Variants in NBAS observed in about 807,000 individuals in gnomAD.
The protein encoded by NBAS is NBAS subunit of NRZ tethering complex.
Under a neutral mutation model 302.5 loss-of-function variants are expected in NBAS, and 219 were observed. That is an observed-to-expected ratio of 0.72 (90% CI 0.65 to 0.81). The LOEUF is 0.81. Among genes scored for constraint, NBAS ranks in the 30% least tolerant of loss-of-function variants. The pLI, the probability that NBAS is intolerant of heterozygous loss-of-function variation, is 0.00. For synonymous variants in NBAS, 1,118 were observed against 1,021.6 expected (o/e 1.09, Z -1.80); for missense variants, 2,932 against 2,841.6 (o/e 1.03, Z -0.72).
At chr2:14,816,218 G>A in the NBAS span, among the ~76,000 whole-genome samples, 61,447 of 152,088 alleles carry the variant, frequency 0.4, 13,032 homozygotes, top group African/African-American at 0.53. Flanking sequence ...GTCAGGAACC[G>A]GACCACAGAG....
chr2:15,230,357 G>C (rs543368737), intron 47 of NBAS, among the ~76,000 whole-genome samples: 2 of 121,312 alleles, frequency 1.6e-5, no homozygotes, highest in South Asian at 5.7e-4. Flanking sequence ...CAAAATAAAA[G>C]TTATGGCTTT....
Position 15,383,015 on chromosome 2 carries a change from T to C in NBAS, c.3360+200A>G, listed in dbSNP as rs73914889. 9.7e-3 allele frequency among the ~76,000 whole-genome samples: 1,477 copies of C among 152,138 alleles called. 30 individuals carry two copies. The highest frequency in any genetic ancestry group is 0.034 in the African/African-American group (1,399 of 41,508). On this transcript the variant is annotated intron_variant, in intron 29 of 51. Transcript: ENST00000281513. ...GCTGATGATTAACCTACTAAACAGA[T>C]AGTGTTGCAATGAAAAAAGACAAGG...
At chr2:14,831,780 GA>G in the NBAS span, among the ~76,000 whole-genome samples, 152 of 152,274 alleles carry the variant, frequency 1.0e-3, no homozygotes, top group African/African-American at 3.4e-3. Flanking sequence ...TGGGTAACAT[GA>G]AGATAATACC....
the NBAS span, among the ~76,000 whole-genome samples, chr2:15,038,323 G>C: frequency 6.6e-6 from 1 of 152,014 alleles, no homozygotes; most frequent in African/African-American, 2.4e-5. Flanking sequence ...CATTTGGCCA[G>C]GCTGGCCTTG....
At chr2:14,927,245 A>G in the NBAS span, among the ~76,000 whole-genome samples, 1 of 152,148 alleles carries the variant, frequency 6.6e-6, no homozygotes, top group Non-Finnish European at 1.5e-5. Context: ...AGTTCCTTAA[A>G]TTTATTTCTC....
At chr2:15,142,377 T>C in the NBAS span, among the ~76,000 whole-genome samples, 3 of 152,200 alleles carry the variant, frequency 2.0e-5, no homozygotes, top group Non-Finnish European at 2.9e-5. Flanking sequence ...GGAGGAGGCA[T>C]GTGCATTTCT....
At chr2:15,101,143 T>C in the NBAS span, among the ~76,000 whole-genome samples, 1 of 152,220 alleles carries the variant, frequency 6.6e-6, no homozygotes, top group Non-Finnish European at 1.5e-5. Flanking sequence ...CCTTTTCAAC[T>C]CTGACAGCCA....
chr2:15,460,790 T>G (rs1235693634), intron 21 of NBAS, among the ~76,000 whole-genome samples: 1 of 152,244 alleles, frequency 6.6e-6, no homozygotes, highest in Non-Finnish European at 1.5e-5. Context: ...TGGAATTTCC[T>G]ATGAAGAAAG....
intron 47 of NBAS, among the ~76,000 whole-genome samples, chr2:15,230,393 CAAAAAA>C (rs35319491): frequency 1.3e-4 from 12 of 90,506 alleles, no homozygotes; most frequent in East Asian, 3.5e-4. Flanking sequence ...ATTTTTTAGG[CAAAAAA>C]AAAAAAAAAA....
At chr2:15,531,678 A>G (rs1026287701) in intron 9 of NBAS, among the ~76,000 whole-genome samples, 1 of 152,168 alleles carries the variant, frequency 6.6e-6, no homozygotes, top group African/African-American at 2.4e-5. Flanking sequence ...TATCTGCTTC[A>G]GCCTAACTGT....
chr2:14,920,096 A>G, the NBAS span, among the ~76,000 whole-genome samples: 1 of 152,328 alleles, frequency 6.6e-6, no homozygotes, highest in Non-Finnish European at 1.5e-5. Context: ...CCCAAATAAT[A>G]AGACTTGAAA....
At chr2:15,392,069 C>G (rs1241174193) in intron 28 of NBAS, among the ~76,000 whole-genome samples, 2 of 151,116 alleles carry the variant, frequency 1.3e-5, no homozygotes, top group Admixed American at 6.6e-5. Context: ...AAAATGCAAC[C>G]AGATGGAAAC....
the NBAS span, among the ~76,000 whole-genome samples, chr2:14,818,156 C>T: frequency 6.6e-6 from 1 of 152,162 alleles, no homozygotes; most frequent in Non-Finnish European, 1.5e-5. Flanking sequence ...CCTCTGTCCA[C>T]CAGCACCATG....
chr2:14,786,789 G>C, the NBAS span, among the ~76,000 whole-genome samples: 2 of 152,144 alleles, frequency 1.3e-5, no homozygotes, highest in Non-Finnish European at 2.9e-5. Flanking sequence ...TGAAAAAAAT[G>C]TATATTCTGT....
chr2:14,944,581 G>T, the NBAS span, among the ~76,000 whole-genome samples: 3 of 152,076 alleles, frequency 2.0e-5, no homozygotes, highest in African/African-American at 7.2e-5. Context: ...GAGATTTCTG[G>T]TTCCAAAATG....
chr2:14,790,856 T>G, the NBAS span, among the ~76,000 whole-genome samples: 1 of 151,622 alleles, frequency 6.6e-6, no homozygotes, highest in Admixed American at 6.6e-5. Flanking sequence ...TTGTTTTGTT[T>G]TTGTTTGGTT....
At chr2:14,823,078 T>C in the NBAS span, among the ~76,000 whole-genome samples, 83 of 152,276 alleles carry the variant, frequency 5.5e-4, 2 homozygotes, top group South Asian at 0.017. Flanking sequence ...ACATAAATTT[T>C]AGATAGAATT....
At chr2:15,434,486 C>T (rs958261797) in intron 21 of NBAS, among the ~76,000 whole-genome samples, 4 of 152,132 alleles carry the variant, frequency 2.6e-5, no homozygotes, top group African/African-American at 7.2e-5. Context: ...TGGCCTTGTA[C>T]TTTATCAAGA....
At chr2:14,875,440 C>T in the NBAS span, among the ~76,000 whole-genome samples, 2 of 152,028 alleles carry the variant, frequency 1.3e-5, no homozygotes, top group African/African-American at 4.8e-5. Context: ...CATGGTGAAA[C>T]CCCATCTCTA....
Sources: gnomAD v4.1 joint callset for allele counts (sites outside exome capture counted in the v4.1 genomes callset) on GRCh38, gnomAD v4.1.1 for gene constraint, MANE v1.5 for transcripts, NCBI Gene and HGNC (gene_info 2026-07-23, HGNC 2026-07-21) for gene names.